The following LTF variants were observed in gnomAD, a reference collection of about 807,000 sequenced individuals.
LTF encodes the protein epididymis luminal protein 110.
In LTF, 91 loss-of-function variants were observed where a neutral mutation model predicts 87.2. That is an observed-to-expected ratio of 1.04 (90% CI 0.88 to 1.24). The LOEUF (loss-of-function observed/expected upper bound fraction) is 1.24, where lower values mean the gene tolerates loss of function less well. Ranked by LOEUF, LTF falls within the 50% of genes most tolerant of loss-of-function variation. The pLI is 0.00. For synonymous variants in LTF, 378 were observed against 356.1 expected (o/e 1.06, Z -0.69); for missense variants, 901 against 904.3 (o/e 1.00, Z 0.05).
At position 46,459,793 on chromosome 3, in the gene LTF, T is replaced by TG; in HGVS notation, c.69_70insC (p.Ser24GlnfsTer56). The TG allele has an allele frequency of 7.0e-7, 1 of 1,425,890 alleles. No individual in the cohort carries two copies. Among genetic ancestry groups the TG allele is most frequent in the Middle Eastern group, 1.9e-4 (1 of 5,404 alleles). The allele number at this position is 1,425,890 out of a possible 1,614,324, so 88.3% of individuals were successfully genotyped here. Reference sequence around the variant, plus strand: ...TGGGATACGGCGCACCACTGAACACTCCTCCTACGGCCAGCCAGACACAGT... The same window carrying TG: ...TGGGATACGGCGCACCACTGAACACTGCCTCCTACGGCCAGCCAGACACAGT... On this transcript the variant is annotated frameshift_variant, in exon 2 of 17. Transcript: ENST00000231751. LOFTEE classifies it high-confidence loss of function.
intron 2 of LTF, among the ~76,000 whole-genome samples, chr3:46,456,848 G>A (rs1702949744): frequency 6.6e-6 from 1 of 152,116 alleles, no homozygotes; most frequent in Non-Finnish European, 1.5e-5. Flanking sequence ...TATTTCTTTG[G>A]TTTGCAATGT....
chr3:46,455,336 G>C lies in LTF; in HGVS notation c.606C>G (p.Phe202Leu), dbSNP rs556715067. ...CAGTGENKCA[F>L]SSQEPYFSYS... ...AGCTGAAGTACGGTTCCTGGGAGGA[G>C]AAGGCACATTTGTTTTCCCCTGTCC... The change falls in exon 5 of 17, where the codon TTC becomes TTG. Residue 202 changes from phenylalanine (F) to leucine (L), a missense_variant. Phe to Leu is a conservative substitution (Grantham distance 22, BLOSUM62 0). Transcript: ENST00000231751. 2.5e-6 allele frequency: 4 copies of C among 1,614,134 alleles called. No individual in the cohort carries two copies. The highest frequency in any genetic ancestry group is 3.4e-6 in the Non-Finnish European group (4 of 1,180,054).
In LTF at chr3:46,447,315, C is replaced by A; in HGVS notation, c.1296G>T (p.Glu432Asp). The change falls in exon 10 of 17, where the codon GAG (glutamate) becomes GAT (aspartate). Residue 432 changes from glutamate to aspartate, a missense_variant. Transcript: ENST00000231751. ...GKCGLVPVLA[E>D]NYKSQQSSDP... Reference sequence around the variant, plus strand: ...GATGCTAACTCCACTTACTGTAGTTCTCTGCCAGGACAGGCACCAAACCAC... The same window carrying A: ...GATGCTAACTCCACTTACTGTAGTTATCTGCCAGGACAGGCACCAAACCAC... 2 of 1,613,816 alleles carry A rather than the reference C, an allele frequency of 1.2e-6. No homozygotes were observed. Among genetic ancestry groups the A allele is most frequent in the South Asian group, 2.2e-5 (2 of 91,078 alleles).
At position 46,437,936 on chromosome 3, in the gene LTF, T is replaced by G; in HGVS notation, c.2098+4A>C. The G allele has an allele frequency of 6.2e-7, 1 of 1,613,682 alleles. No homozygotes were observed. Among genetic ancestry groups the G allele is most frequent in the Non-Finnish European group, 8.5e-7 (1 of 1,179,734 alleles). On this transcript the variant is annotated splice_donor_region_variant and intron_variant, in intron 16 of 16. Transcript: ENST00000231751. ...CTCGGGGATGCTAGCTAGGGTCTACTTACGGGAGGTTGAGCACTTTTTCAG... is the reference window on the plus strand; with the variant it reads ...CTCGGGGATGCTAGCTAGGGTCTACGTACGGGAGGTTGAGCACTTTTTCAG...
At chr3:46,460,431 A>G (rs1222528603) in intron 1 of LTF, 1 of 378,334 alleles carries the variant, frequency 2.6e-6, no homozygotes, top group Non-Finnish European at 5.3e-6. Flanking sequence ...AGCTACCACC[A>G]TTCACTCTGC....
intron 1 of LTF, among the ~76,000 whole-genome samples, chr3:46,461,475 C>T (rs762429680): frequency 6.6e-6 from 1 of 152,184 alleles, no homozygotes; most frequent in Non-Finnish European, 1.5e-5. Context: ...GAACTACTGG[C>T]ATGCCCCACA....
rs544628248 is a variant in LTF, at chr3:46,473,772, C to A, written c.-319-3306G>T. Among the ~76,000 whole-genome samples the A allele has an allele frequency of 1.8e-4, 27 of 152,274 alleles. No individual in the cohort carries two copies. The East Asian group carries it at 5.2e-3, about 29-fold the overall frequency. ...TATACTGTGACCATCCAGAGAACGT[C>A]CCCATCTCAAGATCTTAATAACATC... On this transcript the variant is annotated intron_variant, in intron 1 of 19. Coordinates refer to the LTF transcript ENST00000443496.
Position 46,438,055 on chromosome 3 carries a change from CAGA to C in LTF, c.1980_1982del (p.Leu661del), listed in dbSNP as rs1477368558. On this transcript the variant is annotated inframe_deletion, in exon 16 of 17. Transcript: ENST00000231751. ...CCAGACACTCAGTGTTGTCATTGAA[CAGA>C]AGGTTTTTGGTTTCAGACTGGAATA... 2 of 1,614,072 alleles carry C rather than the reference CAGA, an allele frequency of 1.2e-6. No individual in the cohort carries two copies. The highest frequency in any genetic ancestry group is 1.7e-6 in the Non-Finnish European group (2 of 1,179,988).
chr3:46,464,455 A>G (rs1003843305), intron 1 of LTF, among the ~76,000 whole-genome samples: 1 of 152,196 alleles, frequency 6.6e-6, no homozygotes, highest in African/African-American at 2.4e-5. Flanking sequence ...GATCTGGACT[A>G]GGGTCCTTGA....
chr3:46,478,390 C>A (rs565914649), intron 1 of LTF, among the ~76,000 whole-genome samples: 1 of 152,326 alleles, frequency 6.6e-6, no homozygotes, highest in South Asian at 2.1e-4. Context: ...CACTCAGTCA[C>A]TTCCCCAGAG....
intron 1 of LTF, among the ~76,000 whole-genome samples, chr3:46,476,673 C>A (rs1703362889): frequency 1.3e-5 from 2 of 152,092 alleles, no homozygotes. Context: ...AGAAGATTAC[C>A]CGCCCACAAA....
chr3:46,470,034 C>T (rs1455515164), intron 2 of LTF, among the ~76,000 whole-genome samples: 1 of 152,218 alleles, frequency 6.6e-6, no homozygotes, highest in Non-Finnish European at 1.5e-5. Flanking sequence ...GGACAGCCCT[C>T]CTGGGGCTGG....
intron 1 of LTF, among the ~76,000 whole-genome samples, chr3:46,477,222 T>A (rs1421953700): frequency 1.3e-5 from 2 of 152,246 alleles, no homozygotes; most frequent in African/African-American, 4.8e-5. Context: ...TGTCCATTGT[T>A]TGATTATTTG....
chr3:46,462,171 A>T (rs1359447247), intron 1 of LTF, among the ~76,000 whole-genome samples: 3 of 152,220 alleles, frequency 2.0e-5, no homozygotes, highest in African/African-American at 4.8e-5. Flanking sequence ...CATTAACTGG[A>T]TGCCTGCTGT....
At chr3:46,477,478 A>G (rs899997964) in intron 1 of LTF, among the ~76,000 whole-genome samples, 5 of 152,212 alleles carry the variant, frequency 3.3e-5, no homozygotes, top group Non-Finnish European at 7.3e-5. Flanking sequence ...GTGGTTAAAC[A>G]TCGCAGGCAG....
intron 1 of LTF, among the ~76,000 whole-genome samples, chr3:46,463,012 GC>G (rs976861888): frequency 1.1e-4 from 17 of 151,962 alleles, no homozygotes; most frequent in Non-Finnish European, 2.1e-4. Context: ...CCAGTCCCCA[GC>G]CCCCCAAACA....
At chr3:46,441,694 C>G (rs1239191008) in intron 13 of LTF, 4 of 500,066 alleles carry the variant, frequency 8.0e-6, no homozygotes, top group Non-Finnish European at 1.4e-5. Flanking sequence ...ATTACAAAAC[C>G]AAGAAATCTA....
In LTF at chr3:46,478,595, C is replaced by T. The variant is rs74865838; in HGVS notation, c.-320+6391G>A. ...ATGAGGAAGCAGCCGCAGGATGCAA[C>T]GTAGATGCTAGAGGGCCAAGGGGAG... On this transcript the variant is annotated intron_variant, in intron 1 of 19. Transcript: ENST00000443496. Among the ~76,000 whole-genome samples the T allele has an allele frequency of 4.3e-3, 657 of 152,224 alleles. 4 individuals carry two copies. The highest frequency in any genetic ancestry group is 0.015 in the African/African-American group (613 of 41,526).
chr3:46,435,940 G>A lies in LTF; in HGVS notation c.*255C>T. ...AAAACTTGGAAGGGAAGGTCCAACTGTACAGGTATTTTGTCAGGCATGTGA... is the reference window on the plus strand; with the variant it reads ...AAAACTTGGAAGGGAAGGTCCAACTATACAGGTATTTTGTCAGGCATGTGA... On this transcript the variant is annotated 3_prime_UTR_variant, in exon 17 of 17. Transcript: ENST00000231751. 2 of 531,264 alleles carry A rather than the reference G, an allele frequency of 3.8e-6. No individual in the cohort carries two copies. Among genetic ancestry groups the A allele is most frequent in the South Asian group, 2.1e-5 (1 of 46,542 alleles). The allele number at this position is 531,264 out of a possible 1,614,324, so 32.9% of individuals were successfully genotyped here.
Sources: gnomAD v4.1 joint callset for allele counts (sites outside exome capture counted in the v4.1 genomes callset) on GRCh38, gnomAD v4.1.1 for gene constraint, MANE v1.5 for transcripts, NCBI Gene and HGNC (gene_info 2026-07-23, HGNC 2026-07-21) for gene names.